Variants in LARGE1 observed in about 807,000 individuals in gnomAD.
LARGE1 encodes LARGE xylosyl- and glucuronyltransferase 1, also known as xylosyl- and glucuronyltransferase LARGE1.
LARGE1 carries 43 observed loss-of-function variants against 87.6 expected under a neutral mutation model. That is an observed-to-expected ratio of 0.49 (90% CI 0.38 to 0.63). LARGE1 has a LOEUF of 0.63. LARGE1 is among the 30% of genes least tolerant of loss of function. LARGE1 has a pLI of 0.00. For missense variants in LARGE1, 802 were observed against 1,000.2 expected (o/e 0.80, Z 2.67); for synonymous variants, 434 against 394.6 (o/e 1.10, Z -1.18).
intron 11 of LARGE1, among the ~76,000 whole-genome samples, chr22:33,207,492 A>G (rs946737865): frequency 7.2e-5 from 11 of 151,990 alleles, no homozygotes; most frequent in Non-Finnish European, 1.6e-4. Context: ...TTTCCAAAAT[A>G]CCTTATTGCT....
intron 1 of LARGE1, among the ~76,000 whole-genome samples, chr22:33,770,692 T>C (rs747850514): frequency 1.3e-5 from 2 of 151,614 alleles, no homozygotes; most frequent in African/African-American, 2.4e-5. Flanking sequence ...CTCTAAAAAA[T>C]AGAAAATAAA....
chr22:33,571,220 T>C (rs2078192691), intron 5 of LARGE1, among the ~76,000 whole-genome samples: 1 of 152,034 alleles, frequency 6.6e-6, no homozygotes, highest in African/African-American at 2.4e-5. Context: ...AACCCCAGGT[T>C]TTAAGGGTTT....
intron 4 of LARGE1, 106 bp downstream of exon 4, chr22:33,626,138 T>C (rs779731328): frequency 6.2e-5 from 56 of 901,368 alleles, no homozygotes; most frequent in South Asian, 5.1e-4. Flanking sequence ...TTATGGCAGC[T>C]AGAATGATTG....
At chr22:33,842,343 G>A (rs961602138) in intron 1 of LARGE1, among the ~76,000 whole-genome samples, 1 of 152,172 alleles carries the variant, frequency 6.6e-6, no homozygotes, top group East Asian at 1.9e-4. Context: ...ATTAAAAATA[G>A]ATTTGCCATT....
At chr22:33,724,536 T>C (rs533901892) in intron 2 of LARGE1, among the ~76,000 whole-genome samples, 2 of 152,062 alleles carry the variant, frequency 1.3e-5, no homozygotes, top group African/African-American at 2.4e-5. Context: ...GAGAGAATTA[T>C]CTCCAGATAG....
At chr22:33,746,551 C>T (rs1488632899) in intron 2 of LARGE1, 1 of 152,182 alleles carries the variant, frequency 6.6e-6, no homozygotes, top group Non-Finnish European at 1.5e-5. Context: ...TGGTGATCCA[C>T]CCAATGGCAC....
At chr22:33,692,848 GAAAAAAAGGCAGAGA>G (rs2082134435) in intron 2 of LARGE1, among the ~76,000 whole-genome samples, 1 of 151,884 alleles carries the variant, frequency 6.6e-6, no homozygotes, top group South Asian at 2.1e-4. Flanking sequence ...AGGTATTAAA[GAAAAAAAGGCAGAGA>G]ACTACCATTC....
At chr22:33,208,912 T>G (rs764632941) in intron 11 of LARGE1, among the ~76,000 whole-genome samples, 35 of 152,240 alleles carry the variant, frequency 2.3e-4, no homozygotes, top group Non-Finnish European at 4.1e-4. Flanking sequence ...GATTCTTTTT[T>G]ATGGCTGCAT....
intron 6 of LARGE1, among the ~76,000 whole-genome samples, chr22:33,504,784 A>G (rs1055576212): frequency 2.0e-5 from 3 of 152,230 alleles, no homozygotes; most frequent in Admixed American, 6.5e-5. Context: ...CACAGTTGCT[A>G]TAAGATACTC....
At chr22:33,233,252 G>T (rs967097752) in intron 11 of LARGE1, among the ~76,000 whole-genome samples, 9 of 152,128 alleles carry the variant, frequency 5.9e-5, no homozygotes, top group African/African-American at 2.2e-4. Context: ...AAGTCAGGTT[G>T]TTAGCAGCCT....
At chr22:33,774,186 A>G (rs746934478) in intron 1 of LARGE1, among the ~76,000 whole-genome samples, 3 of 152,168 alleles carry the variant, frequency 2.0e-5, no homozygotes, top group African/African-American at 7.2e-5. Context: ...GACTACCCCT[A>G]TGAAACAAAT....
rs577018387 is a variant in LARGE1 at position 33,229,338 on chromosome 22, C to T, written c.1731-62506G>A. 1.5e-4 allele frequency among the ~76,000 whole-genome samples: 23 copies of T among 151,948 alleles called. 1 individual carries two copies. In the South Asian group the frequency reaches 4.8e-3, roughly 32 times the overall value. ...AACAAGTAATAATGAGGAAAATTAG[C>T]ATCTCACAAACTAGAAAAAATTATT... On this transcript the variant is annotated intron_variant, in intron 11 of 11. Coordinates refer to the LARGE1 transcript ENST00000608642.
intron 11 of LARGE1, among the ~76,000 whole-genome samples, chr22:33,202,357 G>A (rs1448321745): frequency 6.6e-6 from 1 of 152,130 alleles, no homozygotes; most frequent in East Asian, 1.9e-4. Flanking sequence ...GCTTCCCGGG[G>A]TGGACAGACT....
the LARGE1 span, among the ~76,000 whole-genome samples, chr22:33,115,575 T>C: frequency 6.6e-6 from 1 of 151,872 alleles, no homozygotes; most frequent in Non-Finnish European, 1.5e-5. Context: ...CCCAGCACTT[T>C]GGGAGGTCAA....
chr22:33,731,285 G>A (rs2083459393), intron 2 of LARGE1, among the ~76,000 whole-genome samples: 1 of 152,158 alleles, frequency 6.6e-6, no homozygotes, highest in Non-Finnish European at 1.5e-5. Flanking sequence ...TTACAGGCAT[G>A]AGCCACCGCA....
intron 2 of LARGE1, among the ~76,000 whole-genome samples, chr22:33,723,001 C>T (rs1003826489): frequency 6.6e-6 from 1 of 152,046 alleles, no homozygotes; most frequent in African/African-American, 2.4e-5. Flanking sequence ...TGGCCTTACT[C>T]ACTTGCTTTC....
chr22:33,852,611 C>A (rs1239233918), intron 1 of LARGE1, among the ~76,000 whole-genome samples: 1 of 151,930 alleles, frequency 6.6e-6, no homozygotes, highest in African/African-American at 2.4e-5. Context: ...CTTTTGGAGG[C>A]CAAGGCGGGC....
chr22:33,906,238 AG>A (rs1320687884), intron 1 of LARGE1, among the ~76,000 whole-genome samples: 1 of 152,192 alleles, frequency 6.6e-6, no homozygotes, highest in African/African-American at 2.4e-5. Flanking sequence ...GGATCATCTC[AG>A]GCTGATCAAT....
At chr22:33,533,076 C>T (rs1053229626) in intron 6 of LARGE1, among the ~76,000 whole-genome samples, 17 of 152,042 alleles carry the variant, frequency 1.1e-4, no homozygotes, top group African/African-American at 3.9e-4. Flanking sequence ...ACTGCAGGGC[C>T]CATGTTAAAG....
Sources: gnomAD v4.1 joint callset for allele counts (sites outside exome capture counted in the v4.1 genomes callset) on GRCh38, gnomAD v4.1.1 for gene constraint, MANE v1.5 for transcripts, NCBI Gene and HGNC (gene_info 2026-07-23, HGNC 2026-07-21) for gene names.